PDE11A: variants seen among roughly 807,000 people sequenced by gnomAD.
The protein encoded by PDE11A is phosphodiesterase 11A.
In PDE11A, 100 loss-of-function variants were observed where a neutral mutation model predicts 100.5. The ratio of observed to expected loss-of-function variants is 1.00; its 90% CI spans 0.85 to 1.18. PDE11A has a LOEUF of 1.18. Among genes scored for constraint, PDE11A ranks in the 50% most tolerant of loss-of-function variants. The pLI, the probability that PDE11A is intolerant of heterozygous loss-of-function variation, is 0.00. For missense variants in PDE11A, 1,141 were observed against 1,152.6 expected, an observed-to-expected ratio of 0.99 and a Z score of 0.15; for synonymous variants, 381 against 420.8, an observed-to-expected ratio of 0.91 and a Z score of 1.16.
chr2:177,651,122 TAAATC>T (rs1485464387), intron 19 of PDE11A, among the ~76,000 whole-genome samples: 1 of 152,198 alleles, frequency 6.6e-6, no homozygotes, highest in African/African-American at 2.4e-5. Flanking sequence ...TGAAGAGAAT[TAAATC>T]AGATCATGCT....
At chr2:177,633,679 C>T (rs1043265219) in intron 19 of PDE11A, among the ~76,000 whole-genome samples, 13 of 152,170 alleles carry the variant, frequency 8.5e-5, no homozygotes, top group Non-Finnish European at 1.6e-4. Context: ...TTGTTTTCCA[C>T]TCAATGCATA....
At chr2:177,916,927 ATTTTTTTTTTTTT>A (rs1183483256) in intron 2 of PDE11A, among the ~76,000 whole-genome samples, 1 of 105,314 alleles carries the variant, frequency 9.5e-6, no homozygotes, top group Non-Finnish European at 1.8e-5. Flanking sequence ...CGCCCGGCTA[ATTTTTTTTTTTTT>A]TTTTTTTTTG....
intron 12 of PDE11A, among the ~76,000 whole-genome samples, chr2:177,713,249 T>C (rs138175349): frequency 0.082 from 12,454 of 152,154 alleles, 732 homozygotes; most frequent in East Asian, 0.23. Flanking sequence ...CATCAGGTGA[T>C]CCACCCATCT....
intron 2 of PDE11A, among the ~76,000 whole-genome samples, chr2:177,917,030 C>T (rs1293727099): frequency 2.0e-5 from 3 of 150,786 alleles, no homozygotes; most frequent in African/African-American, 7.3e-5. Flanking sequence ...CCCGCCTCAG[C>T]CTCCCAAAGT....
At chr2:177,779,930 T>G (rs1446331337) in intron 9 of PDE11A, among the ~76,000 whole-genome samples, 1 of 152,252 alleles carries the variant, frequency 6.6e-6, no homozygotes, top group East Asian at 1.9e-4. Context: ...GTATGGCAGC[T>G]ACAGCCTTAC....
intron 5 of PDE11A, among the ~76,000 whole-genome samples, chr2:177,861,871 T>C (rs2083950914): frequency 1.3e-5 from 2 of 151,890 alleles, no homozygotes; most frequent in South Asian, 4.1e-4. Flanking sequence ...CCTGTACAAA[T>C]GAATGATATT....
At chr2:177,959,627 A>G (rs1036113426) in intron 2 of PDE11A, among the ~76,000 whole-genome samples, 2 of 152,198 alleles carry the variant, frequency 1.3e-5, no homozygotes, top group African/African-American at 2.4e-5. Flanking sequence ...GAGTAGTGAG[A>G]AAAAGATTTC....
chr2:177,820,422 T>C (rs2083120403), intron 6 of PDE11A, 127 bp from the exon 7 acceptor site: 1 of 649,872 alleles, frequency 1.5e-6, no homozygotes, highest in Non-Finnish European at 2.8e-6. Context: ...CACTGTAACC[T>C]AATTTTGTAA....
At chr2:177,634,390 C>T (rs55888270) in intron 19 of PDE11A, among the ~76,000 whole-genome samples, 124,805 of 146,246 alleles carry the variant, frequency 0.85, 53,310 homozygotes, top group East Asian at 0.94. Context: ...TTCTCTCTCT[C>T]TTTTTTTTTT....
chr2:177,645,358 GTA>G (rs1166970739), intron 19 of PDE11A, among the ~76,000 whole-genome samples: 1 of 151,352 alleles, frequency 6.6e-6, no homozygotes, highest in African/African-American at 2.5e-5. Context: ...GTTAGTTTTT[GTA>G]TATATATAAT....
At chr2:178,068,834 T>C (rs1481520345) in intron 1 of PDE11A, among the ~76,000 whole-genome samples, 1 of 152,176 alleles carries the variant, frequency 6.6e-6, no homozygotes, top group African/African-American at 2.4e-5. Context: ...ACTGCATGTC[T>C]TACTAACAGG....
chr2:177,773,707 G>C (rs1574127641), intron 9 of PDE11A, among the ~76,000 whole-genome samples: 1 of 152,174 alleles, frequency 6.6e-6, no homozygotes, highest in Non-Finnish European at 1.5e-5. Context: ...CCAGTAGAGG[G>C]GGGAGAGAAA....
intron 5 of PDE11A, among the ~76,000 whole-genome samples, chr2:177,848,715 A>G (rs1489551817): frequency 6.6e-6 from 1 of 152,194 alleles, no homozygotes; most frequent in East Asian, 1.9e-4. Context: ...CCGGTGAGGT[A>G]TATATAAACC....
chr2:178,042,492 A>G (rs2086696799), intron 1 of PDE11A, among the ~76,000 whole-genome samples: 2 of 147,348 alleles, frequency 1.4e-5, no homozygotes. Context: ...AAAAAAAAAA[A>G]GAAGAAAAAA....
intron 2 of PDE11A, among the ~76,000 whole-genome samples, chr2:177,965,147 G>C (rs902343983): frequency 2.0e-5 from 3 of 152,036 alleles, no homozygotes; most frequent in African/African-American, 7.2e-5. Flanking sequence ...TCACATGCTT[G>C]CTGGCCGTAT....
chr2:178,055,754 A>T (rs927607800), intron 1 of PDE11A, among the ~76,000 whole-genome samples: 4 of 152,162 alleles, frequency 2.6e-5, no homozygotes, highest in Non-Finnish European at 5.9e-5. Context: ...ATAGAAAGAA[A>T]AGTCATCTGA....
intron 6 of PDE11A, among the ~76,000 whole-genome samples, chr2:177,822,518 G>A (rs1001738595): frequency 2.6e-5 from 4 of 151,918 alleles, no homozygotes; most frequent in African/African-American, 4.8e-5. Context: ...CTCAGTATCT[G>A]GTAGTGCAAA....
chr2:177,895,596 T>A (rs2084601065), intron 4 of PDE11A, among the ~76,000 whole-genome samples: 1 of 152,090 alleles, frequency 6.6e-6, no homozygotes, highest in African/African-American at 2.4e-5. Flanking sequence ...AGAATAACAT[T>A]TTGTAATTTC....
chr2:177,637,002 C>T (rs1195065312), intron 19 of PDE11A, among the ~76,000 whole-genome samples: 1 of 152,230 alleles, frequency 6.6e-6, no homozygotes, highest in African/African-American at 2.4e-5. Context: ...GGAAAGACTT[C>T]TTCTTGGGCC....
Sources: allele counts gnomAD v4.1 joint callset (sites outside exome capture counted in the v4.1 genomes callset), GRCh38; gene constraint gnomAD v4.1.1; transcripts MANE v1.5; gene names NCBI Gene and HGNC (gene_info 2026-07-23, HGNC 2026-07-21).